Variants in DLGAP3 observed in about 807,000 individuals in gnomAD.
DLGAP3 encodes the protein disks large-associated protein 3.
Under a neutral mutation model 81.2 loss-of-function variants are expected in DLGAP3, and 17 were observed. The observed-to-expected ratio is 0.21, with a 90% CI of 0.14 to 0.31. DLGAP3 has a LOEUF of 0.31. Among genes scored for constraint, DLGAP3 ranks in the 10% least tolerant of loss-of-function variants. The pLI is 1.00. For missense variants in DLGAP3, 1,124 were observed against 1,388.0 expected (o/e 0.81, Z 3.02); for synonymous variants, 577 against 587.4 (o/e 0.98, Z 0.26).
At chr1:34,927,083 G>C (rs1639883885) in intron 1 of DLGAP3, among the ~76,000 whole-genome samples, 1 of 152,124 alleles carries the variant, frequency 6.6e-6, no homozygotes, top group Non-Finnish European at 1.5e-5. Flanking sequence ...CAGGAATCAA[G>C]ACAAGACAAG....
At chr1:34,871,310 CT>C (rs1638976725) in intron 8 of DLGAP3, among the ~76,000 whole-genome samples, 1 of 152,218 alleles carries the variant, frequency 6.6e-6, no homozygotes, top group Middle Eastern at 3.2e-3. Context: ...GACTCCAAGC[CT>C]TTGCACACGC....
intron 8 of DLGAP3, among the ~76,000 whole-genome samples, chr1:34,872,328 G>C (rs1055008815): frequency 6.6e-6 from 1 of 152,194 alleles, no homozygotes; most frequent in African/African-American, 2.4e-5. Flanking sequence ...GGTGGAATGT[G>C]GGGGCAGATG....
At position 34,885,727 on chromosome 1, in the gene DLGAP3, G is replaced by A; in HGVS notation, c.1665C>T (p.Ser555=). ...AGTCGGTGCTGCTCTGGGCGGTGAT[G>A]GAGATGCGGGGCGGGGCCTGGCTTC... ...PPGSQAPPRI[S]ITAQSSTDSA... is the part of the protein sequence containing the mutation. Residue 555 remains serine (S), a synonymous_variant, in exon 7 of 12, where the codon TCC becomes TCT. Coordinates refer to ENST00000373347, the MANE Select transcript of DLGAP3 (RefSeq NM_001080418.3). The A allele has an allele frequency of 7.0e-7, 1 of 1,420,326 alleles. No individual in the cohort carries two copies. The highest frequency in any genetic ancestry group is 2.7e-5 in the East Asian group (1 of 37,484). The allele number at this position is 1,420,326 out of a possible 1,614,324, so 88.0% of individuals were successfully genotyped here.
In DLGAP3 at chr1:34,866,790, C is replaced by G. The variant is rs139825938; in HGVS notation, c.2721+258G>C. Among the ~76,000 whole-genome samples, 1,477 of 152,226 alleles carry G rather than the reference C, an allele frequency of 9.7e-3. 31 individuals carry two copies. The highest frequency in any genetic ancestry group is 0.033 in the African/African-American group (1,378 of 41,572). On this transcript the variant is annotated intron_variant, in intron 11 of 11. Coordinates refer to ENST00000373347, the MANE Select transcript of DLGAP3 (RefSeq NM_001080418.3). ...TCCAGCTGCAGCCGCCGCCACCCCC[C>G]CAACCCCGCTCCCCCGCGCTGAGGA...
intron 1 of DLGAP3, among the ~76,000 whole-genome samples, chr1:34,928,826 ACACACACAGG>A (rs993046257): frequency 6.6e-5 from 10 of 151,920 alleles, no homozygotes; most frequent in Non-Finnish European, 1.0e-4. Context: ...ACACTCACAG[ACACACACAGG>A]CACACATGGG....
At chr1:34,917,395 C>T (rs755801204) in intron 1 of DLGAP3, among the ~76,000 whole-genome samples, 23 of 150,226 alleles carry the variant, frequency 1.5e-4, no homozygotes, top group Admixed American at 4.0e-4. Flanking sequence ...TCACCCAGGC[C>T]GGAGTGCAGT....
rs1273127842 is a variant in DLGAP3, at chr1:34,867,666, A to G, written c.2486-39T>C. On this transcript the variant is annotated intron_variant, in intron 9 of 11. Coordinates refer to ENST00000373347, the MANE Select transcript of DLGAP3 (RefSeq NM_001080418.3). The surrounding 1 kb of genome is among the most constrained non-coding windows in gnomAD (Gnocchi z 4.3). ...GGAAATTCAGGGAGGGAAATGATGC[A>G]TCTCCTTCCCCAGCCTCCACGAAGT... is the stretch of plus-strand genomic sequence containing the variant. 2 of 1,520,570 alleles carry G rather than the reference A, an allele frequency of 1.3e-6. No homozygotes were observed. Among genetic ancestry groups the G allele is most frequent in the East Asian group, 2.2e-5 (1 of 44,472 alleles). The allele number at this position is 1,520,570 out of a possible 1,614,324, so 94.2% of individuals were successfully genotyped here. A position where few individuals can be genotyped will look rare whatever the true frequency, so the allele number is the denominator to read the frequency against.
chr1:34,898,346 C>T (rs190677973), intron 5 of DLGAP3, among the ~76,000 whole-genome samples: 17 of 152,262 alleles, frequency 1.1e-4, no homozygotes, highest in Non-Finnish European at 2.5e-4. Context: ...GTGGTGTCCT[C>T]CAAGCCAACC....
chr1:34,876,321 G>C (rs752201177), intron 8 of DLGAP3, among the ~76,000 whole-genome samples: 2 of 152,208 alleles, frequency 1.3e-5, no homozygotes, highest in Non-Finnish European at 2.9e-5. Flanking sequence ...GGTGAGCAGG[G>C]AACACCCTGA....
Position 34,865,952 on chromosome 1 carries a change from C to A in DLGAP3, c.*131G>T. On this transcript the variant is annotated 3_prime_UTR_variant, in exon 12 of 12. Coordinates refer to ENST00000373347, the MANE Select transcript of DLGAP3 (RefSeq NM_001080418.3). ...AAAACCCACGAGAGTGTGACGGGCC[C>A]GGGGGCCGGGGCGTCCGGTGCCGGT... 1 of 807,604 alleles carries A rather than the reference C, an allele frequency of 1.2e-6. No homozygotes were observed. Among genetic ancestry groups the A allele is most frequent in the Non-Finnish European group, 2.0e-6 (1 of 509,242 alleles). The allele number at this position is 807,604 out of a possible 1,614,324, so 50.0% of individuals were successfully genotyped here.
chr1:34,917,938 C>T (rs1003864113), intron 1 of DLGAP3, among the ~76,000 whole-genome samples: 2 of 152,184 alleles, frequency 1.3e-5, no homozygotes, highest in Admixed American at 6.5e-5. Flanking sequence ...TGGAATTAAT[C>T]TACTGAGCTG....
At chr1:34,896,083 C>T (rs1017532722) in intron 5 of DLGAP3, among the ~76,000 whole-genome samples, 3 of 151,990 alleles carry the variant, frequency 2.0e-5, no homozygotes, top group Non-Finnish European at 4.4e-5. Context: ...AAAGCACAAT[C>T]AAGAAGAGAA....
At chr1:34,869,170 G>C in intron 8 of DLGAP3, 81 bp from the exon 9 acceptor site, 1 of 1,073,534 alleles carries the variant, frequency 9.3e-7, no homozygotes, top group South Asian at 1.6e-5. Context: ...AAAAAAGGAA[G>C]GGAATGAGAA....
intron 1 of DLGAP3, among the ~76,000 whole-genome samples, chr1:34,923,640 C>A (rs1199823611): frequency 6.6e-6 from 1 of 151,954 alleles, no homozygotes; most frequent in Non-Finnish European, 1.5e-5. Flanking sequence ...GTTATGTAAC[C>A]AAGGGAGCTG....
Position 34,885,626 on chromosome 1 carries a change from G to A in DLGAP3, c.1766C>T (p.Ala589Val). The A allele has an allele frequency of 2.6e-6, 4 of 1,543,458 alleles. No homozygotes were observed. Among genetic ancestry groups the A allele is most frequent in the East Asian group, 2.4e-5 (1 of 41,478 alleles). The change falls in exon 7 of 12, where the codon GCC becomes GTC. Residue 589 changes from alanine to valine, a missense_variant. By Grantham distance (64) the Ala-to-Val change is moderately conservative. Around this residue, in one of 9 missense-constraint regions of DLGAP3, gnomAD observed 379 missense variants for 455.7 expected, o/e 0.83. Coordinates refer to ENST00000373347, the MANE Select transcript of DLGAP3 (RefSeq NM_001080418.3). ...CSSADGLDGP[A>V]MGARTLELAP... ...CAACTCCAGTGTGCGCGCACCCATG[G>A]CGGGGCCGTCCAGCCCGTCGGCGGA...
chr1:34,916,291 G>A (rs1050650658), intron 1 of DLGAP3, among the ~76,000 whole-genome samples: 10 of 152,230 alleles, frequency 6.6e-5, no homozygotes, highest in Non-Finnish European at 4.4e-5. Context: ...GCAAGCAGAG[G>A]TTGAGGACTG....
chr1:34,868,759 G>A lies in DLGAP3; in HGVS notation c.2331C>T (p.Arg777=), dbSNP rs148167929. ...GAGRRDSWIE[R]GSRSLPDSGR... ...CTGAGTCGGGGAGGCTACGTGAACCGCGCTCTATCCAGGAGTCACGGCGGC... is the reference window on the plus strand; with the variant it reads ...CTGAGTCGGGGAGGCTACGTGAACCACGCTCTATCCAGGAGTCACGGCGGC... The change falls in exon 9 of 12, where the codon CGC becomes CGT. Residue 777 remains arginine, a synonymous_variant. Transcript: ENST00000373347. This position sits in a 1 kb window ranked among gnomAD's most constrained non-coding sequence, Gnocchi z 7.5. 221 of 1,606,076 alleles carry A rather than the reference G, an allele frequency of 1.4e-4. No individual in the cohort carries two copies. In the Middle Eastern group the frequency reaches 1.5e-3, roughly 11 times the overall value.
chr1:34,910,847 C>A (rs370257009), intron 1 of DLGAP3, among the ~76,000 whole-genome samples: 6 of 152,206 alleles, frequency 3.9e-5, no homozygotes, highest in African/African-American at 1.2e-4. Context: ...GTAAGCTCCA[C>A]ATAAGTGCAG....
chr1:34,871,642 T>G (rs1275031155), intron 8 of DLGAP3, among the ~76,000 whole-genome samples: 1 of 152,016 alleles, frequency 6.6e-6, no homozygotes, highest in African/African-American at 2.4e-5. Flanking sequence ...AAGGAGGGGG[T>G]TGCTCCAATA....
Sources: gnomAD v4.1 joint callset for allele counts (sites outside exome capture counted in the v4.1 genomes callset) on GRCh38, gnomAD v4.1.1 for gene constraint, gnomAD v4.1.1 regional missense constraint, Gnocchi (gnomAD v3.1) non-coding constraint, MANE v1.5 for transcripts, NCBI Gene and HGNC (gene_info 2026-07-23, HGNC 2026-07-21) for gene names.